CNTNAP5: variants seen among roughly 807,000 people sequenced by gnomAD.
The protein encoded by CNTNAP5 is contactin-associated protein-like 5.
A neutral mutation model predicts 150.2 loss-of-function variants in CNTNAP5; 72 were observed. The ratio of observed to expected loss-of-function variants is 0.48; its 90% CI spans 0.40 to 0.58. The LOEUF is 0.58. Ranked by LOEUF, CNTNAP5 falls within the 20% of genes least tolerant of loss-of-function variation. The pLI, the probability that CNTNAP5 is intolerant of heterozygous loss-of-function variation, is 0.00. For missense variants in CNTNAP5, 1,636 were observed against 1,626.2 expected (o/e 1.01, Z -0.10); for synonymous variants, 672 against 619.8 (o/e 1.08, Z -1.25).
At chr2:124,424,943 T>C (rs1300892607) in intron 4 of CNTNAP5, among the ~76,000 whole-genome samples, 5 of 152,198 alleles carry the variant, frequency 3.3e-5, no homozygotes, top group Non-Finnish European at 7.3e-5. Context: ...CTGCCCAGTA[T>C]GTGATTTGAC....
At position 124,918,329 on chromosome 2, in the gene CNTNAP5, T is replaced by C. The variant is rs1435480423; in HGVS notation, c.*4041T>C. Among the ~76,000 whole-genome samples the C allele has an allele frequency of 6.6e-6, 1 of 152,052 alleles. No individual in the cohort carries two copies. Among genetic ancestry groups the C allele is most frequent in the Non-Finnish European group, 1.5e-5 (1 of 67,996 alleles). On this transcript the variant is annotated 3_prime_UTR_variant, in exon 24 of 24. Coordinates refer to ENST00000682447, the MANE Select transcript of CNTNAP5 (RefSeq NM_001367498.1). ...CTTAGTCCTGATGAGCCATTTTGAC[T>C]CTACATAACATTTCTGAACCTAACT...
intron 19 of CNTNAP5, among the ~76,000 whole-genome samples, chr2:124,802,004 C>T (rs1350114187): frequency 6.6e-6 from 1 of 152,118 alleles, no homozygotes; most frequent in Admixed American, 6.5e-5. Flanking sequence ...GTTAGTCTAG[C>T]TGTCTTAACC....
chr2:124,101,014 G>A (rs1683050672), intron 1 of CNTNAP5, among the ~76,000 whole-genome samples: 1 of 152,124 alleles, frequency 6.6e-6, no homozygotes, highest in African/African-American at 2.4e-5. Context: ...TTGGGAATGT[G>A]TTAAACACTC....
intron 2 of CNTNAP5, among the ~76,000 whole-genome samples, chr2:124,231,953 C>CA (rs1362161453): frequency 6.8e-5 from 10 of 147,710 alleles, no homozygotes; most frequent in African/African-American, 1.7e-4. Flanking sequence ...CCATTTGGCA[C>CA]AAAAAAAAAG....
chr2:124,616,631 C>T (rs539465448), intron 12 of CNTNAP5, among the ~76,000 whole-genome samples: 1 of 152,296 alleles, frequency 6.6e-6, no homozygotes, highest in East Asian at 1.9e-4. Flanking sequence ...CTAACTTGCA[C>T]AAGAGGCCTA....
intron 11 of CNTNAP5, among the ~76,000 whole-genome samples, chr2:124,590,059 T>C (rs1573479632): frequency 6.6e-6 from 1 of 152,026 alleles, no homozygotes; most frequent in African/African-American, 2.4e-5. Flanking sequence ...AGTTTTCCCC[T>C]CCCTCTCTCT....
In CNTNAP5 at chr2:124,914,114, C is replaced by A. The variant is rs1298713089; in HGVS notation, c.3750C>A (p.Phe1250Leu). Residue 1250 changes from phenylalanine to leucine, a missense_variant, in exon 24 of 24, where the codon TTC (phenylalanine) becomes TTA (leucine). By Grantham distance (22) the Phe-to-Leu change is conservative. Coordinates refer to ENST00000682447, the MANE Select transcript of CNTNAP5 (RefSeq NM_001367498.1). ...VIGGVIAVVI[F>L]IIFCIIGIMT... ...CAGGGGTGATAGCAGTGGTGATATT[C>A]ATCATCTTCTGTATCATCGGCATCA... 1 of 1,611,850 alleles carries A rather than the reference C, an allele frequency of 6.2e-7. No individual in the cohort carries two copies. Among genetic ancestry groups the A allele is most frequent in the Admixed American group, 1.7e-5 (1 of 59,894 alleles).
intron 7 of CNTNAP5, among the ~76,000 whole-genome samples, chr2:124,503,165 A>T (rs1409616749): frequency 6.6e-6 from 1 of 152,224 alleles, no homozygotes; most frequent in East Asian, 1.9e-4. Flanking sequence ...CAAATGATTC[A>T]TGCAATAATA....
At chr2:124,662,235 G>A (rs1163397567) in intron 13 of CNTNAP5, among the ~76,000 whole-genome samples, 4 of 152,144 alleles carry the variant, frequency 2.6e-5, no homozygotes, top group East Asian at 1.9e-4. Flanking sequence ...TTATTGATGG[G>A]CATGTGGGTT....
At chr2:124,512,353 G>C (rs1694612189) in intron 8 of CNTNAP5, among the ~76,000 whole-genome samples, 1 of 151,890 alleles carries the variant, frequency 6.6e-6, no homozygotes, top group South Asian at 2.1e-4. Context: ...CATGGTTTTG[G>C]CACAATAAAA....
chr2:124,255,534 TAAAATAAAATAAAATAAAATAAAATA>T (rs1246293858), intron 3 of CNTNAP5, among the ~76,000 whole-genome samples: 3 of 7,830 alleles, frequency 3.8e-4, no homozygotes, highest in African/African-American at 8.1e-4. Context: ...AAAAATAAAA[TAAAATAAAATAAAATAAAATAAAATA>T]AAATAAAATA....
intron 3 of CNTNAP5, among the ~76,000 whole-genome samples, chr2:124,386,535 A>T (rs935806929): frequency 3.3e-5 from 5 of 152,238 alleles, no homozygotes; most frequent in Non-Finnish European, 5.9e-5. Context: ...TTTTGAGCTA[A>T]ATCTTTCTTA....
Position 124,104,165 on chromosome 2 carries a change from A to G in CNTNAP5, c.82+78433A>G, listed in dbSNP as rs1683123547. Among the ~76,000 whole-genome samples the G allele has an allele frequency of 2.0e-5, 3 of 151,798 alleles. No homozygotes were observed. The South Asian group carries it at 6.2e-4, about 31-fold the overall frequency. ...TACAACCAAACTTCTTGACCAAGTG[A>G]TCAACATTTACAATCTTTATTTTTC... On this transcript the variant is annotated intron_variant, in intron 1 of 23. Transcript: ENST00000682447.
chr2:124,575,987 A>T (rs1444970147), intron 11 of CNTNAP5, among the ~76,000 whole-genome samples: 2 of 152,154 alleles, frequency 1.3e-5, no homozygotes, highest in East Asian at 3.9e-4. Context: ...AGAATTGAGG[A>T]TCCTGCTTTT....
intron 19 of CNTNAP5, among the ~76,000 whole-genome samples, chr2:124,802,899 C>T (rs916313017): frequency 6.6e-6 from 1 of 152,040 alleles, no homozygotes; most frequent in Non-Finnish European, 1.5e-5. Flanking sequence ...CCGAGGCTGG[C>T]AGATCACGAG....
intron 11 of CNTNAP5, among the ~76,000 whole-genome samples, chr2:124,579,581 T>G (rs1473367048): frequency 2.0e-5 from 3 of 152,242 alleles, no homozygotes; most frequent in Non-Finnish European, 4.4e-5. Flanking sequence ...CTCTTGGTAT[T>G]ATCCCCCGAT....
chr2:124,196,301 G>T (rs960422283), intron 1 of CNTNAP5, among the ~76,000 whole-genome samples: 2 of 152,080 alleles, frequency 1.3e-5, no homozygotes, highest in Non-Finnish European at 2.9e-5. Context: ...CCACATCCTG[G>T]ATCTTCACTT....
chr2:124,125,182 G>A (rs1407164420), intron 1 of CNTNAP5, among the ~76,000 whole-genome samples: 1 of 152,116 alleles, frequency 6.6e-6, no homozygotes. Context: ...CACATGCAGA[G>A]GCACATGTAG....
At chr2:124,140,301 C>T (rs1336467871) in intron 1 of CNTNAP5, among the ~76,000 whole-genome samples, 3 of 151,758 alleles carry the variant, frequency 2.0e-5, no homozygotes, top group African/African-American at 7.3e-5. Flanking sequence ...CTCAAGGAGG[C>T]CTGCCTGCCT....
Sources: gnomAD v4.1 joint callset for allele counts (sites outside exome capture counted in the v4.1 genomes callset) on GRCh38, gnomAD v4.1.1 for gene constraint, MANE v1.5 for transcripts, NCBI Gene and HGNC (gene_info 2026-07-23, HGNC 2026-07-21) for gene names.